Variants in ZCCHC7 observed in about 807,000 individuals in gnomAD.
The protein encoded by ZCCHC7 is zinc finger CCHC domain-containing protein 7.
In ZCCHC7, 35 loss-of-function variants were observed where a neutral mutation model predicts 52.0. The ratio of observed to expected loss-of-function variants is 0.67; its 90% CI spans 0.51 to 0.89. The LOEUF is 0.89. ZCCHC7 is among the 40% of genes least tolerant of loss of function. The probability of loss-of-function intolerance (pLI) is 0.00; values close to 1 mark genes in which losing one functional copy is unlikely to be tolerated. For missense variants in ZCCHC7, 574 were observed against 649.1 expected (o/e 0.88, Z 1.26); for synonymous variants, 217 against 221.5 (o/e 0.98, Z 0.18).
At chr9:37,227,868 A>G (rs1448400766) in intron 2 of ZCCHC7, among the ~76,000 whole-genome samples, 1 of 151,888 alleles carries the variant, frequency 6.6e-6, no homozygotes, top group East Asian at 1.9e-4. Flanking sequence ...GTGGGGCACG[A>G]CACAGCTCAC....
chr9:37,209,141 C>T (rs561049115), intron 2 of ZCCHC7, among the ~76,000 whole-genome samples: 2 of 152,052 alleles, frequency 1.3e-5, no homozygotes, highest in South Asian at 2.1e-4. Flanking sequence ...CCCAGGTTCA[C>T]GCCATTTGCC....
chr9:37,164,498 T>TAGATAGATAGACAGACAGAC (rs755789110), intron 2 of ZCCHC7, among the ~76,000 whole-genome samples: 2 of 134,904 alleles, frequency 1.5e-5, no homozygotes, highest in South Asian at 2.4e-4. Context: ...GATAGATAGA[T>TAGATAGATAGACAGACAGAC]AGACAGACAA....
At chr9:37,183,809 A>G (rs1822498431) in intron 2 of ZCCHC7, among the ~76,000 whole-genome samples, 1 of 152,262 alleles carries the variant, frequency 6.6e-6, no homozygotes, top group African/African-American at 2.4e-5. Context: ...ATAAAGTAAT[A>G]TGCCCAAGTA....
chr9:37,194,713 G>A (rs1823197671), intron 2 of ZCCHC7, among the ~76,000 whole-genome samples: 1 of 152,148 alleles, frequency 6.6e-6, no homozygotes, highest in African/African-American at 2.4e-5. Flanking sequence ...TTCGTTTTAA[G>A]GATGTAAATC....
Position 37,126,886 on chromosome 9 carries a change from A to G in ZCCHC7, c.554A>G (p.Asp185Gly). 3.7e-6 allele frequency: 6 copies of G among 1,614,168 alleles called. No individual in the cohort carries two copies. Among genetic ancestry groups the G allele is most frequent in the Non-Finnish European group, 5.1e-6 (6 of 1,180,014 alleles). The change falls in exon 2 of 9, where the codon GAT becomes GGT. Residue 185 changes from aspartate (D) to glycine (G), a missense_variant. Physicochemically the swap from Asp to Gly is moderately conservative, Grantham distance 94. Transcript: ENST00000336755. ...ATGCTACTGGGATGTGAAGTAGATG[A>G]TAAAGATGATGATATCCTTCTCAAC... ...SWMLLGCEVD[D>G]KDDDILLNLV...
chr9:37,346,888 TG>T (rs896702177), intron 6 of ZCCHC7, among the ~76,000 whole-genome samples: 2 of 152,016 alleles, frequency 1.3e-5, no homozygotes, highest in African/African-American at 4.8e-5. Flanking sequence ...CTCAGCTACC[TG>T]GGAGGCTGAA....
chr9:37,187,014 CT>C, intron 2 of ZCCHC7: 1 of 220,942 alleles, frequency 4.5e-6, no homozygotes. Context: ...TTCTTCACTG[CT>C]TTTTTCTTTG....
chr9:37,222,266 T>C (rs1824854373), intron 2 of ZCCHC7, among the ~76,000 whole-genome samples: 1 of 148,730 alleles, frequency 6.7e-6, no homozygotes, highest in South Asian at 2.1e-4. Context: ...AATTTGATGA[T>C]AAGCTTATAA....
At chr9:37,198,734 G>A (rs1823423956) in intron 2 of ZCCHC7, among the ~76,000 whole-genome samples, 1 of 152,276 alleles carries the variant, frequency 6.6e-6, no homozygotes, top group African/African-American at 2.4e-5. Context: ...GCAGTCTCTA[G>A]TACAGTATCT....
chr9:37,205,365 A>G, intron 2 of ZCCHC7: 1 of 163,112 alleles, frequency 6.1e-6, no homozygotes, highest in Non-Finnish European at 1.3e-5. Flanking sequence ...GGCCTGGAGA[A>G]CATTATCAGG....
intron 2 of ZCCHC7, among the ~76,000 whole-genome samples, chr9:37,285,561 A>C (rs1435525805): frequency 6.6e-6 from 1 of 152,118 alleles, no homozygotes; most frequent in Non-Finnish European, 1.5e-5. Flanking sequence ...TTTGGCCTAT[A>C]ATAGGCTATA....
chr9:37,212,670 T>TA (rs1204037939), intron 2 of ZCCHC7, among the ~76,000 whole-genome samples: 1 of 152,232 alleles, frequency 6.6e-6, no homozygotes, highest in Non-Finnish European at 1.5e-5. Flanking sequence ...AACAGATCGT[T>TA]CACCTTGTTG....
intron 2 of ZCCHC7, among the ~76,000 whole-genome samples, chr9:37,208,945 G>A (rs1235730443): frequency 6.6e-6 from 1 of 152,038 alleles, no homozygotes; most frequent in African/African-American, 2.4e-5. Context: ...TCAATGCTCT[G>A]CTTCAGCCAC....
rs1396008500 is a variant in ZCCHC7, at chr9:37,296,881, T to TTGTGTATG, written c.611-5302_611-5301insATGTGTGT. Among the ~76,000 whole-genome samples, 920 of 124,206 alleles carry TTGTGTATG rather than the reference T, an allele frequency of 7.4e-3. 11 individuals are homozygous for TTGTGTATG. The highest frequency in any genetic ancestry group is 0.026 in the African/African-American group (890 of 33,610). The allele number at this position is 124,206 out of a possible 152,430, so 81.5% of individuals were successfully genotyped here. The stretch of plus-strand genomic sequence containing the variant: ...GCATGCACCACCATACCTGGCTAGT[T>TTGTGTATG]TGTGTGTGTGTGTGTGTGTGTGTGT... On this transcript the variant is annotated intron_variant, in intron 2 of 8. Transcript: ENST00000336755.
chr9:37,301,216 A>T (rs1425590148), intron 2 of ZCCHC7, among the ~76,000 whole-genome samples: 1 of 152,232 alleles, frequency 6.6e-6, no homozygotes, highest in African/African-American at 2.4e-5. Flanking sequence ...GATACTGGAC[A>T]GGTTAACTGG....
intron 2 of ZCCHC7, among the ~76,000 whole-genome samples, chr9:37,154,585 A>G (rs979371780): frequency 3.3e-5 from 5 of 152,020 alleles, no homozygotes; most frequent in African/African-American, 1.2e-4. Flanking sequence ...TGGGCTTAAG[A>G]AATCCTCTCA....
chr9:37,203,927 A>G (rs375305943), intron 2 of ZCCHC7, among the ~76,000 whole-genome samples: 1 of 152,196 alleles, frequency 6.6e-6, no homozygotes, highest in Non-Finnish European at 1.5e-5. Context: ...CCCACTAGCA[A>G]TATAAAAGCA....
At chr9:37,314,753 A>G (rs1423348803) in intron 5 of ZCCHC7, among the ~76,000 whole-genome samples, 1 of 150,824 alleles carries the variant, frequency 6.6e-6, no homozygotes, top group Non-Finnish European at 1.5e-5. Context: ...CTCTTTTAAA[A>G]AAAAAAAAAA....
At chr9:37,236,003 T>C (rs1267997437) in intron 2 of ZCCHC7, among the ~76,000 whole-genome samples, 1 of 152,144 alleles carries the variant, frequency 6.6e-6, no homozygotes, top group Non-Finnish European at 1.5e-5. Context: ...CTAATGTGAG[T>C]AGTGCTACAA....
Sources: gnomAD v4.1 joint callset for allele counts (sites outside exome capture counted in the v4.1 genomes callset) on GRCh38, gnomAD v4.1.1 for gene constraint, MANE v1.5 for transcripts, NCBI Gene and HGNC (gene_info 2026-07-23, HGNC 2026-07-21) for gene names.